FBXO17: variants seen among roughly 807,000 people sequenced by gnomAD.
FBXO17 encodes F-box protein 17, also known as F-box only protein 17.
In FBXO17, 43 loss-of-function variants were observed where a neutral mutation model predicts 34.1. The observed-to-expected ratio is 1.26, with a 90% CI of 0.99 to 1.62. The LOEUF (loss-of-function observed/expected upper bound fraction) is 1.62, where lower values mean the gene tolerates loss of function less well. Among genes scored for constraint, FBXO17 ranks in the 40% most tolerant of loss-of-function variants. The probability of loss-of-function intolerance (pLI) is 0.00; values close to 1 mark genes in which losing one functional copy is unlikely to be tolerated. For synonymous variants in FBXO17, 169 were observed against 166.0 expected, an observed-to-expected ratio of 1.02 and a Z score of -0.14; for missense variants, 424 against 386.7, an observed-to-expected ratio of 1.10 and a Z score of -0.81.
chr19:38,960,974 T>C (rs1975241459), intron 1 of FBXO17, among the ~76,000 whole-genome samples: 1 of 151,534 alleles, frequency 6.6e-6, no homozygotes, highest in South Asian at 2.1e-4. Flanking sequence ...GCCAGGCTGA[T>C]TTTTTGTATT....
chr19:38,957,615 A>G (rs981172978), intron 1 of FBXO17, among the ~76,000 whole-genome samples: 2 of 152,124 alleles, frequency 1.3e-5, no homozygotes, highest in African/African-American at 4.8e-5. Flanking sequence ...AAGTGCTGGG[A>G]TTACAGACTT....
At chr19:38,956,166 T>G (rs1975164532) in intron 1 of FBXO17, among the ~76,000 whole-genome samples, 1 of 151,098 alleles carries the variant, frequency 6.6e-6, no homozygotes, top group African/African-American at 2.4e-5. Context: ...CTCAGGAGGC[T>G]GAGGCAGGAG....
intron 2 of FBXO17, among the ~76,000 whole-genome samples, chr19:38,949,351 G>A (rs1285882099): frequency 1.3e-5 from 2 of 151,752 alleles, no homozygotes; most frequent in African/African-American, 4.8e-5. Context: ...CTGCCCCCTC[G>A]GGCCTCCCAA....
chr19:38,966,119 A>G (rs1463186632), intron 1 of FBXO17, among the ~76,000 whole-genome samples: 3 of 151,044 alleles, frequency 2.0e-5, no homozygotes, highest in East Asian at 1.9e-4. Context: ...ACAGGTGCGC[A>G]CTACCACGCC....
Position 38,949,780 on chromosome 19 carries a change from A to T in FBXO17, c.349+191T>A, listed in dbSNP as rs1600191118. On this transcript the variant is annotated intron_variant, in intron 2 of 5. Transcript: ENST00000292852. ...TGCCTTGCCCCGCCCACTCGTTCGG[A>T]TTCCCGGCTTCACCTTCTCCAGCCC... 11 of 690,574 alleles carry T rather than the reference A, an allele frequency of 1.6e-5. No homozygotes were observed. In the East Asian group the frequency reaches 3.4e-4, roughly 21 times the overall value. The allele number at this position is 690,574 out of a possible 1,614,324, so 42.8% of individuals were successfully genotyped here.
chr19:38,968,027 C>A (rs1040829561), intron 1 of FBXO17, among the ~76,000 whole-genome samples: 5 of 152,198 alleles, frequency 3.3e-5, no homozygotes, highest in Middle Eastern at 6.8e-3. Flanking sequence ...ACCTGGAAAA[C>A]CATTAGGCAG....
intron 5 of FBXO17, 139 bp from the exon 6 acceptor site, chr19:38,942,890 A>C: frequency 9.8e-7 from 1 of 1,024,026 alleles, no homozygotes; most frequent in Non-Finnish European, 1.4e-6. Flanking sequence ...ATAAAACCGG[A>C]AAAGGACCCC....
intron 1 of FBXO17, among the ~76,000 whole-genome samples, chr19:38,971,980 C>T (rs957696418): frequency 1.3e-5 from 2 of 152,150 alleles, no homozygotes; most frequent in Admixed American, 6.6e-5. Flanking sequence ...AAGCCTCAAA[C>T]CACCCCATGA....
intron 5 of FBXO17, among the ~76,000 whole-genome samples, chr19:38,944,025 C>T (rs1439977661): frequency 1.3e-5 from 2 of 152,194 alleles, no homozygotes; most frequent in Non-Finnish European, 2.9e-5. Flanking sequence ...CCAAGACCTC[C>T]CTCCCCCAGC....
chr19:38,954,301 G>A (rs1975130055), intron 1 of FBXO17, among the ~76,000 whole-genome samples: 1 of 152,156 alleles, frequency 6.6e-6, no homozygotes, highest in Non-Finnish European at 1.5e-5. Flanking sequence ...ATGGAGTCTC[G>A]ATCTGTGGCC....
intron 1 of FBXO17, among the ~76,000 whole-genome samples, chr19:38,954,942 TA>T (rs1776446394): frequency 7.4e-6 from 1 of 134,846 alleles, no homozygotes; most frequent in East Asian, 2.2e-4. Flanking sequence ...TTATTATTAT[TA>T]TTTTTGAGAC....
At chr19:38,974,010 A>C (rs1975425050) in intron 1 of FBXO17, among the ~76,000 whole-genome samples, 1 of 132,494 alleles carries the variant, frequency 7.5e-6, no homozygotes, top group Admixed American at 8.1e-5. Context: ...GGTCTCAAAT[A>C]TATATGTGTA....
rs769122960 is a variant in FBXO17 at position 38,950,117 on chromosome 19, C to A, written c.203G>T (p.Ser68Ile). ...VWLLQLARDR[S>I]AEGRALYAVA... Reference sequence around the variant, plus strand: ...TGCGTAGAGTGCGCGGCCCTCGGCGCTGCGGTCGCGGGCCAGCTGCAGCAG... The same window carrying A: ...TGCGTAGAGTGCGCGGCCCTCGGCGATGCGGTCGCGGGCCAGCTGCAGCAG... The change falls in exon 2 of 6, where the codon AGC (serine) becomes ATC (isoleucine). Residue 68 changes from serine to isoleucine, a missense_variant. Coordinates refer to ENST00000292852, the MANE Select transcript of FBXO17 (RefSeq NM_024907.7). 1 of 1,561,468 alleles carries A rather than the reference C, an allele frequency of 6.4e-7. No individual in the cohort carries two copies. The highest frequency in any genetic ancestry group is 8.6e-7 in the Non-Finnish European group (1 of 1,156,588).
At position 38,945,000 on chromosome 19, in the gene FBXO17, A is replaced by T; in HGVS notation, c.662T>A (p.Val221Asp). 1.2e-6 allele frequency: 2 copies of T among 1,614,034 alleles called. No individual in the cohort carries two copies. The highest frequency in any genetic ancestry group is 1.7e-6 in the Non-Finnish European group (2 of 1,179,880). The change falls in exon 5 of 6, where the codon GTC becomes GAC. Residue 221 changes from valine to aspartate, a missense_variant. Transcript: ENST00000292852. ...GCAGCCCCTCTCAGTCCACTGAAGG[A>T]CCGGGTCAGGTGAGGCTGAGAACTT... ...VVKFSASPDPVLQWTERGCRQ... is the reference protein window; with the variant it reads ...VVKFSASPDPDLQWTERGCRQ...
intron 1 of FBXO17, among the ~76,000 whole-genome samples, chr19:38,956,175 A>G (rs1261319414): frequency 6.6e-6 from 1 of 151,606 alleles, no homozygotes; most frequent in Non-Finnish European, 1.5e-5. Context: ...CTGAGGCAGG[A>G]GAATCACTTG....
At chr19:38,954,093 G>A (rs901416648) in intron 1 of FBXO17, among the ~76,000 whole-genome samples, 5 of 152,028 alleles carry the variant, frequency 3.3e-5, no homozygotes, top group African/African-American at 9.7e-5. Flanking sequence ...ATTGGGGTCC[G>A]CCTGAGGGTC....
intron 1 of FBXO17, 35 bp from the exon 2 acceptor site, chr19:38,950,371 G>A (rs1358729140): frequency 2.2e-6 from 3 of 1,393,016 alleles, no homozygotes; most frequent in East Asian, 2.9e-5. Flanking sequence ...GCGGGTCAGC[G>A]CAGCCAGGCC....
Position 38,950,004 on chromosome 19 carries a change from C to A in FBXO17, c.316G>T (p.Gly106Cys), listed in dbSNP as rs768218122. The stretch of plus-strand genomic sequence containing the variant: ...CAGGAGTTGAAGATGAGATTGCGGC[C>A]GAAGGGCGCGCGCAGACAGTAGCGC... Reference protein sequence around the residue: ...LARYCLRAPFGRNLIFNSCGE... With the variant: ...LARYCLRAPFCRNLIFNSCGE... Residue 106 changes from glycine (G) to cysteine (C), a missense_variant, in exon 2 of 6, where the codon GGC becomes TGC. Transcript: ENST00000292852. 1.3e-6 allele frequency: 2 copies of A among 1,553,680 alleles called. No individual in the cohort carries two copies. Among genetic ancestry groups the A allele is most frequent in the East Asian group, 2.4e-5 (1 of 41,016 alleles).
At chr19:38,966,095 G>A (rs981246261) in intron 1 of FBXO17, among the ~76,000 whole-genome samples, 1 of 151,488 alleles carries the variant, frequency 6.6e-6, no homozygotes, top group South Asian at 2.1e-4. Flanking sequence ...TCAGCCTTCC[G>A]AGTAGCTGGG....
Sources: gnomAD v4.1 joint callset for allele counts (sites outside exome capture counted in the v4.1 genomes callset) on GRCh38, gnomAD v4.1.1 for gene constraint, MANE v1.5 for transcripts, NCBI Gene and HGNC (gene_info 2026-07-23, HGNC 2026-07-21) for gene names.